ADAMTS3: variants seen among roughly 807,000 people sequenced by gnomAD.
ADAMTS3 encodes the protein A disintegrin and metalloproteinase with thrombospondin motifs 3.
In ADAMTS3, 73 loss-of-function variants were observed where a neutral mutation model predicts 129.0. The ratio of observed to expected loss-of-function variants is 0.57; its 90% CI spans 0.47 to 0.69. The LOEUF (loss-of-function observed/expected upper bound fraction) is 0.69. ADAMTS3 is among the 30% of genes least tolerant of loss of function. ADAMTS3 has a pLI of 0.00. For missense variants in ADAMTS3, 1,457 were observed against 1,514.5 expected, an observed-to-expected ratio of 0.96 and a Z score of 0.63; for synonymous variants, 477 against 510.8, an observed-to-expected ratio of 0.93 and a Z score of 0.89.
At chr4:72,404,492 A>G (rs777500869) in intron 4 of ADAMTS3, among the ~76,000 whole-genome samples, 6 of 152,244 alleles carry the variant, frequency 3.9e-5, no homozygotes, top group Admixed American at 6.5e-5. Flanking sequence ...CTTACACCAT[A>G]AACAAAAATC....
chr4:72,483,624 G>A (rs1007531136), intron 3 of ADAMTS3, among the ~76,000 whole-genome samples: 8 of 152,184 alleles, frequency 5.3e-5, no homozygotes, highest in Non-Finnish European at 8.8e-5. Flanking sequence ...GGCTCTCAGA[G>A]AGGTTTTCAC....
intron 3 of ADAMTS3, among the ~76,000 whole-genome samples, chr4:72,527,271 C>T (rs1720840478): frequency 6.6e-6 from 1 of 152,162 alleles, no homozygotes. Flanking sequence ...CATTTCCTTA[C>T]AGAAACCTTC....
intron 3 of ADAMTS3, among the ~76,000 whole-genome samples, chr4:72,437,011 TAATAAA>T (rs1717955684): frequency 6.6e-6 from 1 of 151,434 alleles, no homozygotes; most frequent in Non-Finnish European, 1.5e-5. Flanking sequence ...ATAATAATAA[TAATAAA>T]AAGAGGTGGT....
rs1673353173 is a variant in ADAMTS3 at position 72,280,998 on chromosome 4, T to C, written c.*2138A>G. ...TTTTGTTAACATTTTTATTGGTACGTGCTCTCAGTACAACAAACAGCATCA... is the reference window on the plus strand; with the variant it reads ...TTTTGTTAACATTTTTATTGGTACGCGCTCTCAGTACAACAAACAGCATCA... On this transcript the variant is annotated 3_prime_UTR_variant, in exon 22 of 22. Transcript: ENST00000286657. 1 of 152,616 alleles carries C rather than the reference T, an allele frequency of 6.6e-6. No individual in the cohort carries two copies. Among genetic ancestry groups the C allele is most frequent in the Non-Finnish European group, 1.5e-5 (1 of 68,030 alleles). 9.5% of individuals were successfully genotyped at this position (152,616 alleles called of 1,614,324 possible).
At chr4:72,315,417 G>T (rs908190847) in intron 11 of ADAMTS3, among the ~76,000 whole-genome samples, 4 of 152,144 alleles carry the variant, frequency 2.6e-5, no homozygotes, top group African/African-American at 9.7e-5. Flanking sequence ...GGTAGAAGGA[G>T]ATTTGACCCA....
At chr4:72,325,811 A>G (rs1026241374) in intron 5 of ADAMTS3, among the ~76,000 whole-genome samples, 64 of 152,112 alleles carry the variant, frequency 4.2e-4, no homozygotes, top group African/African-American at 1.5e-3. Flanking sequence ...TCTTAGAATA[A>G]TAAAATGAAG....
chr4:72,469,852 C>T (rs1007896442), intron 3 of ADAMTS3, among the ~76,000 whole-genome samples: 4 of 152,046 alleles, frequency 2.6e-5, no homozygotes, highest in Non-Finnish European at 5.9e-5. Flanking sequence ...TTTTCTCTGG[C>T]TTACGTTATT....
At chr4:72,549,847 C>T (rs781031085) in intron 2 of ADAMTS3, among the ~76,000 whole-genome samples, 14 of 149,492 alleles carry the variant, frequency 9.4e-5, no homozygotes, top group South Asian at 2.1e-4. Context: ...AATGCAAACA[C>T]CCTTGGGAAA....
intron 4 of ADAMTS3, among the ~76,000 whole-genome samples, chr4:72,375,397 G>T (rs1320010434): frequency 6.6e-6 from 1 of 152,128 alleles, no homozygotes; most frequent in Non-Finnish European, 1.5e-5. Flanking sequence ...AGAAAATGAT[G>T]AGTAAAACAG....
chr4:72,462,487 G>A (rs10024063), intron 3 of ADAMTS3, among the ~76,000 whole-genome samples: 100,921 of 151,722 alleles, frequency 0.67, 33,728 homozygotes, highest in South Asian at 0.8. Context: ...ACAAGTGTAC[G>A]GTCACACACC....
intron 3 of ADAMTS3, among the ~76,000 whole-genome samples, chr4:72,476,637 C>T (rs1719241489): frequency 6.6e-6 from 1 of 151,882 alleles, no homozygotes; most frequent in Non-Finnish European, 1.5e-5. Flanking sequence ...ACACTAATCC[C>T]CAAACTAGAC....
chr4:72,408,462 CATAA>C (rs1722104777), intron 4 of ADAMTS3, among the ~76,000 whole-genome samples: 1 of 151,794 alleles, frequency 6.6e-6, no homozygotes, highest in African/African-American at 2.4e-5. Flanking sequence ...TATTGATTCT[CATAA>C]ATAAATATTA....
chr4:72,476,695 A>C, intron 3 of ADAMTS3, among the ~76,000 whole-genome samples: 1 of 152,144 alleles, frequency 6.6e-6, no homozygotes, highest in East Asian at 1.9e-4. Flanking sequence ...AAAGAAAGAG[A>C]AGGAAAATTA....
chr4:72,408,279 C>T (rs1251117465), intron 4 of ADAMTS3, among the ~76,000 whole-genome samples: 5 of 151,802 alleles, frequency 3.3e-5, no homozygotes, highest in Non-Finnish European at 5.9e-5. Flanking sequence ...GGAAGATGCC[C>T]GGTAGAAGAC....
At chr4:72,388,240 C>G (rs1475390432) in intron 4 of ADAMTS3, among the ~76,000 whole-genome samples, 1 of 152,222 alleles carries the variant, frequency 6.6e-6, no homozygotes, top group Non-Finnish European at 1.5e-5. Flanking sequence ...AACCTCAGGT[C>G]CTCATCTGGC....
intron 3 of ADAMTS3, among the ~76,000 whole-genome samples, chr4:72,545,094 T>C (rs1432835755): frequency 6.6e-6 from 1 of 152,132 alleles, no homozygotes; most frequent in East Asian, 1.9e-4. Flanking sequence ...TTTTTGTTTG[T>C]TTGTTTGTTT....
chr4:72,510,074 TAAA>T (rs34361916), intron 3 of ADAMTS3, among the ~76,000 whole-genome samples: 1 of 145,256 alleles, frequency 6.9e-6, no homozygotes. Flanking sequence ...CCCTTCATGA[TAAA>T]AAAAAAAAAA....
At chr4:72,438,940 C>T (rs1325698878) in intron 3 of ADAMTS3, among the ~76,000 whole-genome samples, 1 of 151,676 alleles carries the variant, frequency 6.6e-6, no homozygotes, top group East Asian at 2.0e-4. Flanking sequence ...ACAAGGTGAC[C>T]TAACTCACAT....
At chr4:72,464,589 A>G (rs1426567029) in intron 3 of ADAMTS3, among the ~76,000 whole-genome samples, 1 of 152,074 alleles carries the variant, frequency 6.6e-6, no homozygotes, top group Non-Finnish European at 1.5e-5. Flanking sequence ...TCTGTGTTGA[A>G]TTCTGGGAAA....
Sources: allele counts gnomAD v4.1 joint callset (sites outside exome capture counted in the v4.1 genomes callset), GRCh38; gene constraint gnomAD v4.1.1; transcripts MANE v1.5; gene names NCBI Gene and HGNC (gene_info 2026-07-23, HGNC 2026-07-21).